The following CCSER1 variants were observed in gnomAD, a reference collection of about 807,000 sequenced individuals.
CCSER1 encodes the protein serine-rich coiled-coil domain-containing protein 1.
CCSER1 carries 41 observed loss-of-function variants against 82.0 expected under a neutral mutation model. The ratio of observed to expected loss-of-function variants is 0.50; its 90% confidence interval spans 0.39 to 0.65. The LOEUF is 0.65. Ranked by LOEUF, CCSER1 falls within the 30% of genes least tolerant of loss-of-function variation. CCSER1 has a pLI of 0.00. For synonymous variants in CCSER1, 414 were observed against 383.9 expected, an observed-to-expected ratio of 1.08 and a Z score of -0.92; for missense variants, 1,119 against 1,064.2, an observed-to-expected ratio of 1.05 and a Z score of -0.72.
chr4:90,397,086 A>G (rs2153542435), intron 3 of CCSER1, among the ~76,000 whole-genome samples: 1 of 152,324 alleles, frequency 6.6e-6, no homozygotes, highest in South Asian at 2.1e-4. Flanking sequence ...TTATTTTATT[A>G]TGAAGTTTCA....
intron 4 of CCSER1, among the ~76,000 whole-genome samples, chr4:90,421,917 T>C (rs1264109989): frequency 6.6e-6 from 1 of 151,976 alleles, no homozygotes; most frequent in Admixed American, 6.6e-5. Context: ...AATAGGAAAG[T>C]GATGTTAAAG....
intron 7 of CCSER1, among the ~76,000 whole-genome samples, chr4:90,791,091 A>C (rs895061637): frequency 6.6e-6 from 1 of 152,176 alleles, no homozygotes; most frequent in Admixed American, 6.5e-5. Context: ...ACCTCTTCAC[A>C]GGGCAGCAGG....
At chr4:91,352,895 A>C (rs1748570597) in intron 10 of CCSER1, among the ~76,000 whole-genome samples, 1 of 152,190 alleles carries the variant, frequency 6.6e-6, no homozygotes, top group African/African-American at 2.4e-5. Flanking sequence ...GAGAGGGTAA[A>C]CTATAAATGA....
intron 5 of CCSER1, among the ~76,000 whole-genome samples, chr4:90,551,427 C>T (rs558259619): frequency 9.2e-5 from 14 of 152,088 alleles, no homozygotes; most frequent in South Asian, 6.2e-4. Context: ...GGCCTCAGAG[C>T]GCACTTTTCT....
intron 1 of CCSER1, among the ~76,000 whole-genome samples, chr4:90,132,972 A>G (rs1340816123): frequency 6.6e-6 from 1 of 152,196 alleles, no homozygotes; most frequent in Non-Finnish European, 1.5e-5. Context: ...CCTAAGCAGC[A>G]ATAGCAGCAA....
chr4:91,325,301 A>T (rs1417896606), intron 10 of CCSER1: 1 of 380,038 alleles, frequency 2.6e-6, no homozygotes, highest in East Asian at 7.5e-5. Context: ...TTTTTTCCCA[A>T]AGAAGCTTTA....
intron 10 of CCSER1, 53 bp from the exon 11 acceptor site, chr4:91,598,519 T>A (rs1764687976): frequency 1.4e-6 from 2 of 1,481,248 alleles, no homozygotes; most frequent in Non-Finnish European, 1.8e-6. Context: ...ATTGTATGTA[T>A]GCTATGAAAG....
chr4:90,262,466 G>A (rs940939815), intron 1 of CCSER1, among the ~76,000 whole-genome samples: 1 of 152,118 alleles, frequency 6.6e-6, no homozygotes, highest in African/African-American at 2.4e-5. Context: ...AGGATCTCTT[G>A]AAGCTTATTT....
At chr4:91,304,351 A>T (rs1036663456) in intron 10 of CCSER1, among the ~76,000 whole-genome samples, 2 of 152,128 alleles carry the variant, frequency 1.3e-5, no homozygotes, top group African/African-American at 4.8e-5. Flanking sequence ...AGGTTTAATA[A>T]GAATGCAAGG....
At chr4:90,777,541 G>T (rs1753087166) in intron 7 of CCSER1, among the ~76,000 whole-genome samples, 1 of 151,968 alleles carries the variant, frequency 6.6e-6, no homozygotes, top group South Asian at 2.1e-4. Context: ...GAATGTACAG[G>T]TTCAAATGAA....
intron 10 of CCSER1, among the ~76,000 whole-genome samples, chr4:91,520,206 T>C (rs1249982665): frequency 1.3e-5 from 2 of 152,186 alleles, no homozygotes; most frequent in Non-Finnish European, 2.9e-5. Flanking sequence ...AGTTTTTTTT[T>C]CTTAGTGGTT....
At chr4:91,376,202 C>T (rs1368731630) in intron 10 of CCSER1, among the ~76,000 whole-genome samples, 4 of 152,140 alleles carry the variant, frequency 2.6e-5, no homozygotes, top group Admixed American at 2.6e-4. Context: ...TCGTGTGTCC[C>T]TTAATGACAG....
chr4:90,953,342 A>ATT (rs56156733), intron 9 of CCSER1, among the ~76,000 whole-genome samples: 35 of 150,978 alleles, frequency 2.3e-4, no homozygotes, highest in South Asian at 4.2e-4. Context: ...TATTTCATTG[A>ATT]TTTTTTTTTA....
chr4:91,114,631 C>T (rs983597705), intron 10 of CCSER1, among the ~76,000 whole-genome samples: 1 of 152,162 alleles, frequency 6.6e-6, no homozygotes, highest in Admixed American at 6.5e-5. Flanking sequence ...GCTTCCTGCT[C>T]TTTGCAGTTG....
intron 3 of CCSER1, among the ~76,000 whole-genome samples, chr4:90,365,543 G>A (rs998203674): frequency 6.6e-6 from 1 of 151,894 alleles, no homozygotes. Flanking sequence ...ATTCATGTGT[G>A]CCTGTCAGTT....
intron 10 of CCSER1, among the ~76,000 whole-genome samples, chr4:91,489,526 C>T (rs1458557855): frequency 6.6e-6 from 1 of 152,008 alleles, no homozygotes; most frequent in Non-Finnish European, 1.5e-5. Context: ...CTTCCTAGGC[C>T]GGGCACGGTG....
chr4:91,518,380 G>A (rs1239575753), intron 10 of CCSER1, among the ~76,000 whole-genome samples: 1 of 152,142 alleles, frequency 6.6e-6, no homozygotes, highest in Non-Finnish European at 1.5e-5. Context: ...GAGACAGATT[G>A]GCCTTCTCTC....
chr4:90,167,480 A>T (rs534843206), intron 1 of CCSER1, among the ~76,000 whole-genome samples: 4 of 152,018 alleles, frequency 2.6e-5, no homozygotes, highest in South Asian at 4.2e-4. Flanking sequence ...TTTTATTATT[A>T]TTTTTTATTA....
intron 10 of CCSER1, among the ~76,000 whole-genome samples, chr4:91,309,125 A>C (rs1033764141): frequency 6.6e-6 from 1 of 151,982 alleles, no homozygotes; most frequent in African/African-American, 2.4e-5. Context: ...ACATATTTTC[A>C]AATACAAAAA....
Sources: allele counts gnomAD v4.1 joint callset (sites outside exome capture counted in the v4.1 genomes callset), GRCh38; gene constraint gnomAD v4.1.1; transcripts MANE v1.5; gene names NCBI Gene and HGNC (gene_info 2026-07-23, HGNC 2026-07-21).